The following RFC3 variants were observed in gnomAD, a reference collection of about 807,000 sequenced individuals.
RFC3 encodes the protein replication factor C subunit 3, also known as A1 38 kDa subunit.
In RFC3, 41 loss-of-function variants were observed where a neutral mutation model predicts 45.1. The observed-to-expected ratio is 0.91, with a 90% CI of 0.71 to 1.18. The LOEUF is 1.18. Ranked by LOEUF, RFC3 falls within the 50% of genes most tolerant of loss-of-function variation. The pLI, the probability that RFC3 is intolerant of heterozygous loss-of-function variation, is 0.00. For synonymous variants in RFC3, 149 were observed against 144.0 expected (o/e 1.03, Z -0.25); for missense variants, 423 against 428.1 (o/e 0.99, Z 0.10).
intron 8 of RFC3, among the ~76,000 whole-genome samples, chr13:33,928,844 A>C (rs1358650575): frequency 6.8e-6 from 1 of 146,958 alleles, no homozygotes; most frequent in Non-Finnish European, 1.5e-5. Context: ...TGGGGGGGGA[A>C]GTGAAAACTA....
chr13:33,972,984 CT>C, the RFC3 span, among the ~76,000 whole-genome samples: 15 of 152,114 alleles, frequency 9.9e-5, no homozygotes, highest in Non-Finnish European at 1.5e-4. Flanking sequence ...AATAAATTTA[CT>C]TAATATTATT....
At chr13:33,935,322 C>T (rs1424672707) in intron 8 of RFC3, among the ~76,000 whole-genome samples, 1 of 152,056 alleles carries the variant, frequency 6.6e-6, no homozygotes, top group East Asian at 1.9e-4. Context: ...AAAAATATAT[C>T]ATGTTTGTTC....
chr13:33,895,049 T>A (rs947086593), intron 8 of RFC3, among the ~76,000 whole-genome samples: 3 of 152,070 alleles, frequency 2.0e-5, no homozygotes, highest in Non-Finnish European at 4.4e-5. Flanking sequence ...CCATAAAAAT[T>A]CTAGAAGAAA....
Position 33,884,236 on chromosome 13 carries a change from A to G in RFC3, c.879+49019A>G, listed in dbSNP as rs138161298. 1.4e-3 allele frequency among the ~76,000 whole-genome samples: 206 copies of G among 152,322 alleles called. 1 individual carries two copies. The highest frequency in any genetic ancestry group is 3.9e-3 in the African/African-American group (164 of 41,568). On this transcript the variant is annotated intron_variant, in intron 8 of 8. Transcript: ENST00000434425. ...ATTCTCGACCTCTCCCATTCTTTAGATGCGTGCTATAGAGTTCTACTTGAT... is the reference window on the plus strand; with the variant it reads ...ATTCTCGACCTCTCCCATTCTTTAGGTGCGTGCTATAGAGTTCTACTTGAT...
intron 8 of RFC3, among the ~76,000 whole-genome samples, chr13:33,891,636 A>G (rs2082563767): frequency 6.6e-6 from 1 of 152,192 alleles, no homozygotes; most frequent in Non-Finnish European, 1.5e-5. Context: ...TTATCTGCAT[A>G]TTACACCCAT....
At chr13:33,827,884 G>T (rs1182312367) in intron 4 of RFC3, among the ~76,000 whole-genome samples, 1 of 151,952 alleles carries the variant, frequency 6.6e-6, no homozygotes, top group African/African-American at 2.4e-5. Flanking sequence ...TTTTTTTTAG[G>T]TCTGGGGCTC....
At chr13:33,902,305 G>A (rs1038285599) in intron 8 of RFC3, among the ~76,000 whole-genome samples, 1 of 152,084 alleles carries the variant, frequency 6.6e-6, no homozygotes. Context: ...TTGAGAATCA[G>A]CAATTTGAAA....
At chr13:33,845,030 T>A (rs1175640054) in intron 8 of RFC3, among the ~76,000 whole-genome samples, 1 of 152,196 alleles carries the variant, frequency 6.6e-6, no homozygotes, top group Non-Finnish European at 1.5e-5. Flanking sequence ...CTTAAATGTT[T>A]GAAGGATATT....
intron 4 of RFC3, chr13:33,829,581 T>A: frequency 6.9e-6 from 3 of 436,008 alleles, no homozygotes; most frequent in Non-Finnish European, 8.1e-6. Context: ...AACTCAGAGC[T>A]GTTCCTCTCT....
intron 8 of RFC3, among the ~76,000 whole-genome samples, chr13:33,909,334 ACCT>A (rs2082690593): frequency 2.0e-5 from 3 of 151,684 alleles, no homozygotes; most frequent in Admixed American, 2.0e-4. Context: ...CTGGTCCCTG[ACCT>A]CCTGTTCTTA....
At chr13:33,846,612 C>T (rs1260148883) in intron 8 of RFC3, 1 of 152,410 alleles carries the variant, frequency 6.6e-6, no homozygotes, top group Admixed American at 6.5e-5. Context: ...GCTGCCCTGG[C>T]TGGTGTCTCA....
At chr13:33,936,137 A>G (rs1383340627) in intron 8 of RFC3, among the ~76,000 whole-genome samples, 1 of 152,142 alleles carries the variant, frequency 6.6e-6, no homozygotes, top group African/African-American at 2.4e-5. Flanking sequence ...GGTCTTATGC[A>G]TACTGCCCCC....
chr13:33,953,482 A>T (rs2083002813), intron 8 of RFC3, among the ~76,000 whole-genome samples: 1 of 152,146 alleles, frequency 6.6e-6, no homozygotes, highest in Non-Finnish European at 1.5e-5. Context: ...GTGAGTAGAA[A>T]AATCTTTTAA....
chr13:33,895,637 C>A (rs956903677), intron 8 of RFC3, among the ~76,000 whole-genome samples: 1 of 152,096 alleles, frequency 6.6e-6, no homozygotes, highest in Admixed American at 6.6e-5. Context: ...ACCATTTGAT[C>A]CAGGAATTCC....
intron 1 of RFC3, among the ~76,000 whole-genome samples, chr13:33,819,283 G>T (rs576867639): frequency 9.2e-5 from 14 of 152,172 alleles, no homozygotes; most frequent in Non-Finnish European, 1.3e-4. Context: ...GCAATATTTT[G>T]TGAGAACGAA....
chr13:33,898,042 T>C (rs1040276605), intron 8 of RFC3, among the ~76,000 whole-genome samples: 2 of 151,904 alleles, frequency 1.3e-5, no homozygotes, highest in African/African-American at 2.4e-5. Flanking sequence ...AAATAGACTG[T>C]GATACAATAG....
rs184909411 is a variant in RFC3, at chr13:33,957,040, G to A, written c.880-9047G>A. On this transcript the variant is annotated intron_variant, in intron 8 of 8. Coordinates refer to the RFC3 transcript ENST00000434425. ...TATCATCTATCTATCCATGATCATC[G>A]TCAACTATTATCTATTTATCTACTG... Among the ~76,000 whole-genome samples the A allele has an allele frequency of 3.6e-3, 539 of 151,788 alleles. 3 individuals are homozygous for A. Among genetic ancestry groups the A allele is most frequent in the African/African-American group, 0.012 (504 of 41,362 alleles).
At chr13:33,974,350 GAC>G in the RFC3 span, among the ~76,000 whole-genome samples, 1 of 152,090 alleles carries the variant, frequency 6.6e-6, no homozygotes, top group Admixed American at 6.5e-5. Context: ...ATTGTGTGTG[GAC>G]ACACTGCCCT....
At chr13:33,867,114 A>C (rs1450624315) in intron 8 of RFC3, among the ~76,000 whole-genome samples, 2 of 152,218 alleles carry the variant, frequency 1.3e-5, no homozygotes, top group African/African-American at 4.8e-5. Context: ...ATACTCTTGG[A>C]GTTCCCAGAT....
Sources: allele counts gnomAD v4.1 joint callset (sites outside exome capture counted in the v4.1 genomes callset), GRCh38; gene constraint gnomAD v4.1.1; transcripts MANE v1.5; gene names NCBI Gene and HGNC (gene_info 2026-07-23, HGNC 2026-07-21).